Variants in WDR26 observed in about 807,000 individuals in gnomAD.
The protein encoded by WDR26 is WD repeat domain 26.
In WDR26, 5 loss-of-function variants were observed where a neutral mutation model predicts 84.1. The ratio of observed to expected loss-of-function variants is 0.06; its 90% CI spans 0.03 to 0.13. The LOEUF is 0.13. Ranked by LOEUF, WDR26 falls within the 10% of genes least tolerant of loss-of-function variation. The pLI, the probability that WDR26 is intolerant of heterozygous loss-of-function variation, is 1.00. For synonymous variants in WDR26, 415 were observed against 389.6 expected, an observed-to-expected ratio of 1.07 and a Z score of -0.77; for missense variants, 642 against 974.9, an observed-to-expected ratio of 0.66 and a Z score of 4.55.
intron 7 of WDR26, among the ~76,000 whole-genome samples, chr1:224,408,270 C>A (rs1407994378): frequency 6.6e-6 from 1 of 152,192 alleles, no homozygotes; most frequent in Non-Finnish European, 1.5e-5. Context: ...CTCTTCTTCA[C>A]CTAATATTTA....
intron 7 of WDR26, 108 bp from the exon 8 acceptor site, chr1:224,404,678 G>T: frequency 7.3e-7 from 1 of 1,371,474 alleles, no homozygotes; most frequent in Non-Finnish European, 9.7e-7. Context: ...TTTAATCTGA[G>T]GAAATTTTCA....
chr1:224,391,385 A>AAAAAAAAAAAAAAC (rs1673124308), intron 13 of WDR26, among the ~76,000 whole-genome samples: 1 of 45,888 alleles, frequency 2.2e-5, no homozygotes, highest in African/African-American at 7.6e-5. Flanking sequence ...AAAAAAAAAC[A>AAAAAAAAAAAAAAC]AAAAAAAAAC....
In WDR26 at chr1:224,415,453, C is replaced by CTTTTTTTTTTTTTT. The variant is rs149995544; in HGVS notation, c.1319+2793_1319+2806dup. ...ACAATTCTGGAACACGTATTTCTTTCTTTTTTTTTTTTTTTTTTTTTTTTT... is the reference window on the plus strand; with the variant it reads ...ACAATTCTGGAACACGTATTTCTTTCTTTTTTTTTTTTTTTTTTTTTTTTTTTTTTTTTTTTTTT... On this transcript the variant is annotated intron_variant, in intron 6 of 13. Coordinates refer to ENST00000414423, the MANE Select transcript of WDR26 (RefSeq NM_001379403.1). 6.6e-4 allele frequency among the ~76,000 whole-genome samples: 54 copies of CTTTTTTTTTTTTTT among 82,336 alleles called. 3 individuals carry two copies. The highest frequency in any genetic ancestry group is 2.6e-3 in the African/African-American group (53 of 20,578). The allele number at this position is 82,336 out of a possible 152,430, so 54.0% of individuals were successfully genotyped here.
chr1:224,412,513 C>T (rs1673767076), intron 6 of WDR26, among the ~76,000 whole-genome samples: 1 of 152,212 alleles, frequency 6.6e-6, no homozygotes, highest in Non-Finnish European at 1.5e-5. Flanking sequence ...GAATCTGACA[C>T]TTAGCTAGTA....
chr1:224,389,734 G>T lies in WDR26; in HGVS notation c.*101C>A. 8.3e-7 allele frequency: 1 copy of T among 1,203,516 alleles called. No homozygotes were observed. The highest frequency in any genetic ancestry group is 1.2e-6 in the Non-Finnish European group (1 of 814,112). The allele number at this position is 1,203,516 out of a possible 1,614,324, so 74.6% of individuals were successfully genotyped here. On this transcript the variant is annotated 3_prime_UTR_variant, in exon 14 of 14. Coordinates refer to ENST00000414423, the MANE Select transcript of WDR26 (RefSeq NM_001379403.1). ...ATGGTTCTTTTTTCATGACGAGCAT[G>T]TCTGTCCAGCTATCAATCATGTTTG...
chr1:224,397,912 G>T (rs1197741931), intron 12 of WDR26, 185 bp downstream of exon 12: 2 of 650,852 alleles, frequency 3.1e-6, no homozygotes, highest in Non-Finnish European at 5.0e-6. Context: ...ATACATGACA[G>T]CATGTGACAA....
intron 3 of WDR26, among the ~76,000 whole-genome samples, chr1:224,426,525 A>C (rs896958841): frequency 2.0e-5 from 3 of 152,184 alleles, no homozygotes; most frequent in African/African-American, 7.2e-5. Flanking sequence ...AGAATGACTA[A>C]TGAATGTTTC....
At chr1:224,395,787 G>A (rs532813032) in intron 12 of WDR26, among the ~76,000 whole-genome samples, 4 of 152,208 alleles carry the variant, frequency 2.6e-5, no homozygotes, top group Admixed American at 6.5e-5. Context: ...AGGAAAAACC[G>A]GGTTTGAAGT....
chr1:224,406,913 G>A (rs1673581626), intron 7 of WDR26, among the ~76,000 whole-genome samples: 1 of 151,398 alleles, frequency 6.6e-6, no homozygotes, highest in South Asian at 2.1e-4. Context: ...CTTGAGGTCA[G>A]GAGTTTCAGA....
At position 224,434,606 on chromosome 1, in the gene WDR26, G is replaced by C. The variant is rs1246731196; in HGVS notation, c.-201C>G. 1 of 527,210 alleles carries C rather than the reference G, an allele frequency of 1.9e-6. No homozygotes were observed. The highest frequency in any genetic ancestry group is 2.4e-6 in the Non-Finnish European group (1 of 414,782). 32.7% of individuals were successfully genotyped at this position (527,210 alleles called of 1,614,324 possible). On this transcript the variant is annotated 5_prime_UTR_variant, in exon 1 of 14. Coordinates refer to ENST00000414423, the MANE Select transcript of WDR26 (RefSeq NM_001379403.1). ...CTCCCGGAGGCAGCTCGGGGTGCGC[G>C]GCCCGGGGGTCGCGCCGGGGGGCGC... is the stretch of plus-strand genomic sequence containing the variant.
intron 3 of WDR26, among the ~76,000 whole-genome samples, chr1:224,427,586 G>T (rs758176517): frequency 6.6e-6 from 1 of 152,178 alleles, no homozygotes; most frequent in African/African-American, 2.4e-5. Context: ...TTCTCTATGA[G>T]TCATTTTATC....
intron 10 of WDR26, 143 bp downstream of exon 10, chr1:224,398,746 A>C: frequency 8.2e-7 from 1 of 1,224,556 alleles, no homozygotes; most frequent in Non-Finnish European, 1.1e-6. Flanking sequence ...TGAGTTACTG[A>C]TTACTAAGTA....
At chr1:224,393,775 C>A in intron 13 of WDR26, 53 bp downstream of exon 13, 4 of 1,390,422 alleles carry the variant, frequency 2.9e-6, no homozygotes, top group South Asian at 3.6e-5. Context: ...TCATAATAAG[C>A]CGAGTGATGT....
chr1:224,391,979 T>C (rs761804108), intron 13 of WDR26, among the ~76,000 whole-genome samples: 9 of 152,188 alleles, frequency 5.9e-5, no homozygotes, highest in Non-Finnish European at 1.3e-4. Flanking sequence ...TAGCCAAAAT[T>C]TGGCTCACTC....
chr1:224,421,326 C>T (rs1016012803), intron 4 of WDR26, among the ~76,000 whole-genome samples: 1 of 152,198 alleles, frequency 6.6e-6, no homozygotes, highest in African/African-American at 2.4e-5. Context: ...ATCAGCACGC[C>T]TGTAATCCCA....
At chr1:224,412,121 A>C (rs147337163) in intron 6 of WDR26, among the ~76,000 whole-genome samples, 45 of 152,346 alleles carry the variant, frequency 3.0e-4, no homozygotes, top group African/African-American at 1.1e-3. Context: ...CTGAGTTCCC[A>C]CATCTACAAA....
chr1:224,411,481 A>T lies in WDR26; in HGVS notation c.1404T>A (p.Thr468=). ...TATCTTTTGATCCTGTTGCTAGTTT[A>T]GTGCCATCATTAGAGAATTTACAGA... Residue 468 remains threonine, a synonymous_variant, in exon 7 of 14, where the codon ACT becomes ACA. Transcript: ENST00000414423. 3.1e-6 allele frequency: 5 copies of T among 1,613,738 alleles called. No individual in the cohort carries two copies. The highest frequency in any genetic ancestry group is 4.2e-6 in the Non-Finnish European group (5 of 1,179,852).
At chr1:224,420,153 G>C (rs1490761060) in intron 4 of WDR26, among the ~76,000 whole-genome samples, 2 of 152,194 alleles carry the variant, frequency 1.3e-5, no homozygotes, top group Non-Finnish European at 2.9e-5. Flanking sequence ...TCAAAAAATA[G>C]TATAACTGGA....
intron 13 of WDR26, among the ~76,000 whole-genome samples, chr1:224,392,365 A>G (rs1337874554): frequency 1.3e-5 from 2 of 152,126 alleles, no homozygotes; most frequent in African/African-American, 4.8e-5. Flanking sequence ...CAAAAAAAAA[A>G]AAGAAAAGAA....
Sources: allele counts gnomAD v4.1 joint callset (sites outside exome capture counted in the v4.1 genomes callset), GRCh38; gene constraint gnomAD v4.1.1; transcripts MANE v1.5; gene names NCBI Gene and HGNC (gene_info 2026-07-23, HGNC 2026-07-21).